The following PPP1R3F variants were observed in gnomAD, a reference collection of about 807,000 sequenced individuals.
PPP1R3F encodes protein phosphatase 1 regulatory subunit 3F, also known as protein phosphatase 1, regulatory (inhibitor) subunit 3F.
A neutral mutation model predicts 24.2 loss-of-function variants in PPP1R3F; 29 were observed. The ratio of observed to expected loss-of-function variants is 1.20; its 90% CI spans 0.89 to 1.63. The LOEUF is 1.63. Ranked by LOEUF, PPP1R3F falls within the 40% of genes most tolerant of loss-of-function variation. The pLI, the probability that PPP1R3F is intolerant of heterozygous loss-of-function variation, is 0.00. For synonymous variants in PPP1R3F, 363 were observed against 340.1 expected (o/e 1.07, Z -0.74); for missense variants, 823 against 729.3 (o/e 1.13, Z -1.48).
downstream of PPP1R3F, among the ~76,000 whole-genome samples, chrX:49,289,118 T>TC (rs1358014952): frequency 9.0e-6 from 1 of 111,522 alleles, no homozygotes; most frequent in Non-Finnish European, 1.9e-5. Context: ...AGATCGAGAC[T>TC]CCATCTCAAA....
At position 49,286,882 on chromosome X, in the gene PPP1R3F, A is replaced by T. The variant is rs1557121727; in HGVS notation, c.2192A>T (p.Asp731Val). The T allele has an allele frequency of 8.4e-7, 1 of 1,190,441 alleles. No homozygotes were observed. The highest frequency in any genetic ancestry group is 1.1e-6 in the Non-Finnish European group (1 of 884,948). Reference protein sequence around the residue: ...RPHVSSQDEKDAGPSLEPPKK... With the variant: ...RPHVSSQDEKVAGPSLEPPKK... Reference sequence around the variant, plus strand: ...CATGTGAGCTCCCAGGATGAAAAGGATGCAGGCCCAAGCCTTGAACCCCCA... The same window carrying T: ...CATGTGAGCTCCCAGGATGAAAAGGTTGCAGGCCCAAGCCTTGAACCCCCA... Residue 731 changes from aspartate to valine, a missense_variant, in exon 4 of 4, where the codon GAT (aspartate) becomes GTT (valine). By Grantham distance (152) the Asp-to-Val change is radical (BLOSUM62 -3). Transcript: ENST00000055335.
chrX:49,270,789 A>G lies in PPP1R3F; in HGVS notation c.920A>G (p.Gln307Arg). 8.4e-7 allele frequency: 1 copy of G among 1,193,853 alleles called. No individual in the cohort carries two copies. The highest frequency in any genetic ancestry group is 1.8e-5 in the South Asian group (1 of 54,744). Residue 307 changes from glutamine to arginine, a missense_variant, in exon 1 of 4, where the codon CAG becomes CGG. Transcript: ENST00000055335. Reference protein sequence around the residue: ...EGLPQQQQLPQLEPQPECQGP... With the variant: ...EGLPQQQQLPRLEPQPECQGP... ...CTGCCCCAGCAGCAGCAGCTGCCGC[A>G]GCTGGAGCCACAGCCCGAGTGCCAG...
At position 49,286,142 on chromosome X, in the gene PPP1R3F, C is replaced by A; in HGVS notation, c.1452C>A (p.Ile484=). 8.5e-7 allele frequency: 1 copy of A among 1,178,235 alleles called. No individual in the cohort carries two copies. The highest frequency in any genetic ancestry group is 1.1e-6 in the Non-Finnish European group (1 of 876,687). Residue 484 remains isoleucine (I), a synonymous_variant, in exon 4 of 4, where the codon ATC becomes ATA. Transcript: ENST00000055335. ...AGGAGCTGCTCGGTGAGGACACCAT[C>A]GACCAGGAGCTGGAGCAGCTCTACC... ...GSEELLGEDT[I]DQELEQLYLS...
At chrX:49,278,187 C>T (rs782057506) in intron 1 of PPP1R3F, among the ~76,000 whole-genome samples, 1 of 112,047 alleles carries the variant, frequency 8.9e-6, no homozygotes, top group South Asian at 3.7e-4. Flanking sequence ...TTTTCTGTCT[C>T]ACATCTATGA....
chrX:49,277,732 C>T (rs2066222964), intron 1 of PPP1R3F, among the ~76,000 whole-genome samples: 1 of 112,589 alleles, frequency 8.9e-6, no homozygotes, highest in African/African-American at 3.2e-5. Context: ...ATTTCAAACT[C>T]TCTTCAAAGT....
chrX:49,298,522 G>A (rs1297684698), intron 3 of PPP1R3F, among the ~76,000 whole-genome samples: 3 of 111,563 alleles, frequency 2.7e-5, no homozygotes, highest in Non-Finnish European at 3.8e-5. Flanking sequence ...GTATCTTTGT[G>A]CTGTTCTCTG....
intron 1 of PPP1R3F, chrX:49,281,073 A>G (rs1336660199): frequency 1.5e-5 from 3 of 199,669 alleles, no homozygotes; most frequent in Non-Finnish European, 2.7e-5. Flanking sequence ...TTACTGTTAA[A>G]TGGACAAAGC....
At chrX:49,284,509 C>CTTTTTTTTTTTT (rs145170789) in intron 3 of PPP1R3F, among the ~76,000 whole-genome samples, 13 of 50,856 alleles carry the variant, frequency 2.6e-4, no homozygotes, top group African/African-American at 8.7e-4. Context: ...CTTTTTCTTT[C>CTTTTTTTTTTTT]TTTTTTTTTT....
rs1216285052 is a variant in PPP1R3F at position 49,287,834 on chromosome X, A to T, written c.*744A>T. 9.0e-6 allele frequency: 1 copy of T among 110,985 alleles called. No individual in the cohort carries two copies. Among genetic ancestry groups the T allele is most frequent in the Non-Finnish European group, 1.9e-5 (1 of 53,003 alleles). 9.1% of individuals were successfully genotyped at this position (110,985 alleles called of 1,213,427 possible). A position where few individuals can be genotyped will look rare whatever the true frequency, so the allele number is the denominator to read the frequency against. ...CAGTGGTAGCTGTGGTCTCCTGTGG[A>T]TGTGGGGACATCAGTTGTGAATCAG... On this transcript the variant is annotated 3_prime_UTR_variant, in exon 4 of 4. Transcript: ENST00000055335.
chrX:49,286,536 G>A lies in PPP1R3F; in HGVS notation c.1846G>A (p.Val616Met), dbSNP rs1557121586. Residue 616 changes from valine to methionine, a missense_variant, in exon 4 of 4, where the codon GTG (valine) becomes ATG (methionine). Transcript: ENST00000055335. The stretch of plus-strand genomic sequence containing the variant: ...TTCTGTGGTAGCCACGATGGGAGAT[G>A]TGTGGCTCCCATGGGCAGAGGGCTC... Reference protein sequence around the residue: ...ARSVVATMGDVWLPWAEGSGC... With the variant: ...ARSVVATMGDMWLPWAEGSGC... The A allele has an allele frequency of 1.7e-6, 2 of 1,211,427 alleles. No homozygotes were observed. The highest frequency in any genetic ancestry group is 3.0e-5 in the East Asian group (1 of 33,816).
intron 3 of PPP1R3F, among the ~76,000 whole-genome samples, chrX:49,294,804 G>GGAGGCT (rs1251540636): frequency 1.8e-5 from 2 of 108,426 alleles, no homozygotes; most frequent in South Asian, 4.1e-4. Context: ...CAGCTACTCG[G>GGAGGCT]GAGGCTGAGG....
intron 3 of PPP1R3F, among the ~76,000 whole-genome samples, chrX:49,298,706 C>T (rs1456311158): frequency 9.0e-6 from 1 of 110,774 alleles, no homozygotes; most frequent in African/African-American, 3.3e-5. Flanking sequence ...AGGCTTTGTT[C>T]GTTCCTTTTT....
In PPP1R3F at chrX:49,282,734, G is replaced by A. The variant is rs781958957; in HGVS notation, c.1143+671G>A. Among the ~76,000 whole-genome samples, 266 of 105,770 alleles carry A rather than the reference G, an allele frequency of 2.5e-3. 1 individual carries two copies. Among genetic ancestry groups the A allele is most frequent in the African/African-American group, 9.4e-3 (248 of 26,264 alleles). The allele number at this position is 105,770 out of a possible 115,157, so 91.8% of individuals were successfully genotyped here. A position where few individuals can be genotyped will look rare whatever the true frequency, so the allele number is the denominator to read the frequency against. On this transcript the variant is annotated intron_variant, in intron 3 of 3. Coordinates refer to ENST00000055335, the MANE Select transcript of PPP1R3F (RefSeq NM_033215.5). ...AGGGAGGGGGAGAGTGGTGCGGGGT[G>A]AGGGAGAGAGGTGGCTGAGGACAGA...
Position 49,294,782 on chromosome X carries a change from C to CTT in PPP1R3F, c.393-6569_393-6568insTT, listed in dbSNP as rs1557122671. On this transcript the variant is annotated intron_variant, in intron 3 of 3. Coordinates refer to the PPP1R3F transcript ENST00000471261. The stretch of plus-strand genomic sequence containing the variant: ...AAAATTAGCCAGGCGTGGTGGCAGG[C>CTT]GCCTGTAGTCCCAGCTACTCGGGAG... Among the ~76,000 whole-genome samples the CTT allele has an allele frequency of 3.6e-3, 388 of 108,388 alleles. 2 individuals carry two copies. The highest frequency in any genetic ancestry group is 0.012 in the African/African-American group (366 of 29,771). 94.1% of individuals were successfully genotyped at this position (108,388 alleles called of 115,157 possible).
At chrX:49,284,842 A>AT (rs1402596053) in intron 3 of PPP1R3F, among the ~76,000 whole-genome samples, 1 of 111,201 alleles carries the variant, frequency 9.0e-6, no homozygotes, top group African/African-American at 3.3e-5. Context: ...AGGAGCACTG[A>AT]TTCCTTTCAG....
rs782241292 is a variant in PPP1R3F, at chrX:49,282,037, C to T, written c.1117C>T (p.Arg373Cys). The T allele has an allele frequency of 1.3e-5, 16 of 1,206,830 alleles. No homozygotes were observed. The highest frequency in any genetic ancestry group is 1.5e-5 in the Non-Finnish European group (13 of 892,542). ...TCCACTGGTAGCCCCCACCCCTCTC[C>T]GTCCATGGCCCCAGATGACACTTCA... ...VGPLVAPTPL[R>C]PWPQMTLQVS... Residue 373 changes from arginine (R) to cysteine (C), a missense_variant, in exon 3 of 4, where the codon CGT becomes TGT. Transcript: ENST00000055335.
In PPP1R3F at chrX:49,287,172, G is replaced by T. The variant is rs2066292537; in HGVS notation, c.*82G>T. ...GGGGACCTGGGTCCTTTGCTTCTGA[G>T]AATGCTCAACTGAAAGAGAGGCCTT... On this transcript the variant is annotated 3_prime_UTR_variant, in exon 4 of 4. Coordinates refer to ENST00000055335, the MANE Select transcript of PPP1R3F (RefSeq NM_033215.5). The T allele has an allele frequency of 9.9e-7, 1 of 1,012,151 alleles. No homozygotes were observed. Among genetic ancestry groups the T allele is most frequent in the South Asian group, 2.2e-5 (1 of 45,873 alleles). The allele number at this position is 1,012,151 out of a possible 1,213,427, so 83.4% of individuals were successfully genotyped here. A position where few individuals can be genotyped will look rare whatever the true frequency, so the allele number is the denominator to read the frequency against.
In PPP1R3F at chrX:49,287,624, CT is replaced by C. The variant is rs1239553156; in HGVS notation, c.*535del. The C allele has an allele frequency of 1.4e-4, 16 of 111,839 alleles. No individual in the cohort carries two copies. The highest frequency in any genetic ancestry group is 5.3e-4 in the African/African-American group (16 of 30,283). The allele number at this position is 111,839 out of a possible 1,213,427, so 9.2% of individuals were successfully genotyped here. ...GGGGGTGGGACGTGGTCGCCTGCTG[CT>C]GCTTCAACATGTCTTTCCTTGAAGA... On this transcript the variant is annotated 3_prime_UTR_variant, in exon 4 of 4. Coordinates refer to ENST00000055335, the MANE Select transcript of PPP1R3F (RefSeq NM_033215.5).
downstream of PPP1R3F, among the ~76,000 whole-genome samples, chrX:49,290,085 C>A (rs1446057158): frequency 3.1e-5 from 3 of 96,664 alleles, no homozygotes; most frequent in Non-Finnish European, 5.7e-5. Context: ...AACAAAACAA[C>A]CCCCCCCATA....
Sources: gnomAD v4.1 joint callset for allele counts (sites outside exome capture counted in the v4.1 genomes callset) on GRCh38, gnomAD v4.1.1 for gene constraint, MANE v1.5 for transcripts, NCBI Gene and HGNC (gene_info 2026-07-23, HGNC 2026-07-21) for gene names.